The following MYO18A variants were observed in gnomAD, a reference collection of about 807,000 sequenced individuals.
MYO18A encodes unconventional myosin-XVIIIa.
A neutral mutation model predicts 235.8 loss-of-function variants in MYO18A; 78 were observed. The observed-to-expected ratio is 0.33, with a 90% CI of 0.28 to 0.40. The LOEUF (loss-of-function observed/expected upper bound fraction) is 0.40, where lower values mean the gene tolerates loss of function less well. Among genes scored for constraint, MYO18A ranks in the 10% least tolerant of loss-of-function variants. The pLI is 1.00. For synonymous variants in MYO18A, 977 were observed against 1,077.8 expected (o/e 0.91, Z 1.83); for missense variants, 2,215 against 2,699.3 (o/e 0.82, Z 3.98).
At chr17:29,089,810 G>A in intron 37 of MYO18A, 151 bp downstream of exon 37, 1 of 981,120 alleles carries the variant, frequency 1.0e-6, no homozygotes, top group Non-Finnish European at 1.5e-6. Flanking sequence ...CAGGGCGGGA[G>A]AGAAGCACCT....
At chr17:29,103,090 C>T (rs931786880) in intron 21 of MYO18A, among the ~76,000 whole-genome samples, 14 of 152,374 alleles carry the variant, frequency 9.2e-5, no homozygotes, top group African/African-American at 2.2e-4. Flanking sequence ...CTGCATTTTA[C>T]GCATGGCGTT....
In MYO18A at chr17:29,129,030, A is replaced by G. The variant is rs1467245304; in HGVS notation, c.1000-6777T>C. The stretch of plus-strand genomic sequence containing the variant: ...CACCTCCATTCCTACCACCAATCCC[A>G]GGCCTAACTCCAGGGCGTCCTGACC... On this transcript the variant is annotated intron_variant, in intron 2 of 41. Transcript: ENST00000527372. The G allele has an allele frequency of 5.4e-6, 7 of 1,288,786 alleles. 1 individual carries two copies. In the Admixed American group the frequency reaches 1.6e-4, roughly 30 times the overall value. 79.8% of individuals were successfully genotyped at this position (1,288,786 alleles called of 1,614,324 possible). A position where few individuals can be genotyped will look rare whatever the true frequency, so the allele number is the denominator to read the frequency against.
chr17:29,122,747 A>G (rs4965418), intron 2 of MYO18A, among the ~76,000 whole-genome samples: 68,962 of 152,114 alleles, frequency 0.45, 16,107 homozygotes, highest in East Asian at 0.85. Flanking sequence ...GCATGTCCTC[A>G]GATCTCAGCG....
intron 37 of MYO18A, among the ~76,000 whole-genome samples, chr17:29,088,215 C>T (rs1041747129): frequency 2.2e-4 from 33 of 151,820 alleles, no homozygotes; most frequent in African/African-American, 5.3e-4. Flanking sequence ...CCACCACGCC[C>T]GGCTAATGTT....
rs748478014 is a variant in MYO18A at position 29,109,999 on chromosome 17, GGGA to G, written c.3187_3189del (p.Ser1063del). On this transcript the variant is annotated inframe_deletion, in exon 19 of 42. Coordinates refer to ENST00000527372, the MANE Select transcript of MYO18A (RefSeq NM_078471.4). The surrounding 1 kb of genome is among the most constrained non-coding windows in gnomAD (Gnocchi z 4.1). ...AGCTCACTGCTGCTGCTGACTCGGC[GGGA>G]GGAGGCGGAACGGGGCTCCCCAGCC... 36 of 1,612,458 alleles carry G rather than the reference GGGA, an allele frequency of 2.2e-5. No homozygotes were observed. In the South Asian group the frequency reaches 2.4e-4, roughly 11 times the overall value.
At chr17:29,080,033 T>G (rs1372895455) in intron 41 of MYO18A, 2 of 985,908 alleles carry the variant, frequency 2.0e-6, no homozygotes, top group South Asian at 4.7e-5. Flanking sequence ...GAGCTGGAGC[T>G]GGAGCTGGAG....
chr17:29,166,716 G>A lies in MYO18A; in HGVS notation c.225C>T (p.Asp75=), dbSNP rs368335511. ...CGGAGTCAATGTCAGTCAGGTGCAG[G>A]TCAGAGCCGCTGGCCACCTTGATGG... ...PIPIKVASGS[D]LHLTDIDSDS... Residue 75 remains aspartate (D), a synonymous_variant, in exon 2 of 42, where the codon GAC becomes GAT. Coordinates refer to ENST00000527372, the MANE Select transcript of MYO18A (RefSeq NM_078471.4). 26 of 1,613,762 alleles carry A rather than the reference G, an allele frequency of 1.6e-5. No individual in the cohort carries two copies. Among genetic ancestry groups the A allele is most frequent in the East Asian group, 1.6e-4 (7 of 44,886 alleles).
At position 29,179,207 on chromosome 17, in the gene MYO18A, G is replaced by A. The variant is rs556984255; in HGVS notation, c.-82+1106C>T. On this transcript the variant is annotated intron_variant, in intron 1 of 41. Coordinates refer to ENST00000527372, the MANE Select transcript of MYO18A (RefSeq NM_078471.4). Reference sequence around the variant, plus strand: ...CAAACACATGCCCCATTGGCAAAGTGGTCAGGCAAAATGAATACCCGCTCA... The same window carrying A: ...CAAACACATGCCCCATTGGCAAAGTAGTCAGGCAAAATGAATACCCGCTCA... Among the ~76,000 whole-genome samples, 40 of 152,248 alleles carry A rather than the reference G, an allele frequency of 2.6e-4. No homozygotes were observed. The Middle Eastern group carries it at 0.01, about 39-fold the overall frequency.
chr17:29,110,611 C>CTGA lies in MYO18A; in HGVS notation c.2909_2911dup (p.Ile970dup). 2 of 1,602,566 alleles carry CTGA rather than the reference C, an allele frequency of 1.2e-6. No homozygotes were observed. Among genetic ancestry groups the CTGA allele is most frequent in the Non-Finnish European group, 1.7e-6 (2 of 1,171,756 alleles). ...GCCTGCGCGGCCCAGAAACAGGTTG[C>CTGA]TGATGATTTTTCTGCCAGAGGTGGG... On this transcript the variant is annotated inframe_insertion, in exon 18 of 42. Coordinates refer to ENST00000527372, the MANE Select transcript of MYO18A (RefSeq NM_078471.4).
At chr17:29,139,138 A>T (rs1326222669) in intron 2 of MYO18A, among the ~76,000 whole-genome samples, 1 of 151,856 alleles carries the variant, frequency 6.6e-6, no homozygotes, top group Non-Finnish European at 1.5e-5. Context: ...CACCCGCCTC[A>T]CTGCAGGCCA....
intron 2 of MYO18A, among the ~76,000 whole-genome samples, chr17:29,154,099 A>AGTGTGTGTGTGTGT (rs200703096): frequency 0.019 from 2,886 of 149,308 alleles, 83 homozygotes; most frequent in African/African-American, 0.066. Context: ...TAAATTCTGC[A>AGTGTGTGTGTGTGT]GAGTGTGTGT....
At position 29,140,341 on chromosome 17, in the gene MYO18A, C is replaced by G. The variant is rs757271152; in HGVS notation, c.1000-18088G>C. 18 of 1,272,740 alleles carry G rather than the reference C, an allele frequency of 1.4e-5. No homozygotes were observed. The highest frequency in any genetic ancestry group is 1.8e-5 in the Non-Finnish European group (18 of 981,674). 78.8% of individuals were successfully genotyped at this position (1,272,740 alleles called of 1,614,324 possible). On this transcript the variant is annotated intron_variant, in intron 2 of 41. Transcript: ENST00000527372. The surrounding 1 kb of genome is among the most constrained non-coding windows in gnomAD (Gnocchi z 4.2). ...GTGGGGGGTCAGAGGGACACTCACC[C>G]GCATGGCCTGGCCTGGAGCAGCCCA... is the stretch of plus-strand genomic sequence containing the variant.
At chr17:29,097,379 T>C (rs1048219565) in intron 26 of MYO18A, 29 bp from the exon 27 acceptor site, 3 of 1,602,948 alleles carry the variant, frequency 1.9e-6, no homozygotes, top group Non-Finnish European at 2.5e-6. Context: ...CAAGGGAGGA[T>C]GGAGGTGCTG....
intron 40 of MYO18A, 68 bp downstream of exon 40, chr17:29,085,536 G>A (rs575344187): frequency 1.4e-6 from 2 of 1,471,456 alleles, no homozygotes; most frequent in African/African-American, 1.4e-5. Flanking sequence ...CCCAGGGTGG[G>A]AGCCAGTGTT....
chr17:29,112,040 G>A (rs369120494), intron 15 of MYO18A, among the ~76,000 whole-genome samples, 177 bp from the exon 16 acceptor site: 20 of 152,218 alleles, frequency 1.3e-4, no homozygotes, highest in Non-Finnish European at 2.9e-4. Context: ...CGGGCAGCCC[G>A]GGGAAAGGGG....
chr17:29,148,843 G>A (rs1331157250), intron 2 of MYO18A, among the ~76,000 whole-genome samples: 1 of 152,186 alleles, frequency 6.6e-6, no homozygotes, highest in Non-Finnish European at 1.5e-5. Flanking sequence ...GGCCACCCCA[G>A]CCACTCAGCA....
Position 29,093,446 on chromosome 17 carries a change from A to G in MYO18A, c.4822-19T>C, listed in dbSNP as rs2066448453. On this transcript the variant is annotated intron_variant, in intron 31 of 41. Transcript: ENST00000527372. Reference sequence around the variant, plus strand: ...GTTTTAACTGGAGTACCATGGGGACAGAGACCCGTCCGTCCCTTTAGTGCC... The same window carrying G: ...GTTTTAACTGGAGTACCATGGGGACGGAGACCCGTCCGTCCCTTTAGTGCC... The G allele has an allele frequency of 1.9e-6, 3 of 1,588,932 alleles. No homozygotes were observed. In the East Asian group the frequency reaches 6.7e-5, roughly 36 times the overall value.
rs762276362 is a variant in MYO18A at position 29,097,308 on chromosome 17, A to G, written c.4145T>C (p.Val1382Ala). Residue 1382 changes from valine (V) to alanine (A), a missense_variant, in exon 27 of 42, where the codon GTG becomes GCG. Val to Ala is a moderately conservative substitution (Grantham distance 64). Transcript: ENST00000527372. ...CTGGAGCCGTTTCTTGGTGAAGTCCACCTCCCGCACAGCCCGCTCATACTT... is the reference window on the plus strand; with the variant it reads ...CTGGAGCCGTTTCTTGGTGAAGTCCGCCTCCCGCACAGCCCGCTCATACTT... ...RLKYERAVRE[V>A]DFTKKRLQQE... 8 of 1,607,664 alleles carry G rather than the reference A, an allele frequency of 5.0e-6. No homozygotes were observed. In the South Asian group the frequency reaches 6.6e-5, roughly 13 times the overall value.
chr17:29,096,577 C>G (rs753214957), intron 28 of MYO18A, among the ~76,000 whole-genome samples, 184 bp downstream of exon 28: 2 of 152,208 alleles, frequency 1.3e-5, no homozygotes, highest in Admixed American at 6.5e-5. Context: ...AGTGGGGACA[C>G]AGCCTGAGTC....
Sources: gnomAD v4.1 joint callset for allele counts (sites outside exome capture counted in the v4.1 genomes callset) on GRCh38, gnomAD v4.1.1 for gene constraint, Gnocchi (gnomAD v3.1) non-coding constraint, MANE v1.5 for transcripts, NCBI Gene and HGNC (gene_info 2026-07-23, HGNC 2026-07-21) for gene names.